TRIO: variants seen among roughly 807,000 people sequenced by gnomAD.
TRIO encodes triple functional domain protein.
TRIO carries 58 observed loss-of-function variants against 351.9 expected under a neutral mutation model. The observed-to-expected ratio is 0.16, with a 90% CI of 0.13 to 0.21. TRIO has a LOEUF of 0.21. Ranked by LOEUF, TRIO falls within the 10% of genes least tolerant of loss-of-function variation. The pLI is 1.00. For missense variants in TRIO, 3,201 were observed against 4,027.8 expected (o/e 0.79, Z 5.56); for synonymous variants, 1,758 against 1,595.7 (o/e 1.10, Z -2.42).
intron 1 of TRIO, among the ~76,000 whole-genome samples, chr5:14,235,491 T>G (rs1442776599): frequency 6.6e-6 from 1 of 152,242 alleles, no homozygotes; most frequent in Non-Finnish European, 1.5e-5. Flanking sequence ...AATATGTCTG[T>G]CATACAGGAT....
At chr5:14,300,697 A>G (rs951060960) in intron 7 of TRIO, among the ~76,000 whole-genome samples, 2 of 152,162 alleles carry the variant, frequency 1.3e-5, no homozygotes, top group Non-Finnish European at 2.9e-5. Context: ...GGACTGTAGT[A>G]TTATTGTCCT....
chr5:14,448,213 AAC>A (rs1442483248), intron 34 of TRIO, among the ~76,000 whole-genome samples: 1 of 152,218 alleles, frequency 6.6e-6, no homozygotes, highest in Non-Finnish European at 1.5e-5. Flanking sequence ...ACTTTTTGGG[AAC>A]ACAGAGGATC....
intron 1 of TRIO, among the ~76,000 whole-genome samples, chr5:14,238,313 A>G (rs985331917): frequency 6.6e-6 from 1 of 152,220 alleles, no homozygotes; most frequent in Non-Finnish European, 1.5e-5. Flanking sequence ...GCTGATTTGA[A>G]TGTGGTCATT....
At chr5:14,224,218 G>T (rs912313548) in intron 1 of TRIO, among the ~76,000 whole-genome samples, 1 of 151,942 alleles carries the variant, frequency 6.6e-6, no homozygotes, top group African/African-American at 2.4e-5. Context: ...TATGTGAAGC[G>T]AGGACCCTAC....
chr5:14,294,501 A>G (rs1737178053), intron 6 of TRIO, among the ~76,000 whole-genome samples: 1 of 152,210 alleles, frequency 6.6e-6, no homozygotes, highest in South Asian at 2.1e-4. Context: ...CTGCTATGCC[A>G]CATACTTTAA....
intron 1 of TRIO, among the ~76,000 whole-genome samples, chr5:14,208,067 GGTT>G (rs1365589551): frequency 3.9e-5 from 6 of 152,190 alleles, no homozygotes; most frequent in African/African-American, 1.4e-4. Context: ...GGGAATATAA[GGTT>G]GTACAGTCAG....
intron 1 of TRIO, among the ~76,000 whole-genome samples, chr5:14,202,086 G>A (rs1791150256): frequency 6.6e-6 from 1 of 151,374 alleles, no homozygotes; most frequent in African/African-American, 2.4e-5. Context: ...CCTGCACGTT[G>A]TGCACATGTA....
At chr5:14,197,400 G>T (rs1790846169) in intron 1 of TRIO, among the ~76,000 whole-genome samples, 1 of 152,182 alleles carries the variant, frequency 6.6e-6, no homozygotes, top group Non-Finnish European at 1.5e-5. Context: ...TCTTTACCCT[G>T]TCCAGGCTAT....
chr5:14,358,145 C>A (rs778334465), intron 11 of TRIO, 33 bp from the exon 12 acceptor site: 1 of 1,594,798 alleles, frequency 6.3e-7, no homozygotes, highest in South Asian at 1.1e-5. Flanking sequence ...GCAGCCAGGC[C>A]GGCCGGCCTC....
At chr5:14,219,585 C>G (rs1792459935) in intron 1 of TRIO, among the ~76,000 whole-genome samples, 1 of 152,178 alleles carries the variant, frequency 6.6e-6, no homozygotes. Flanking sequence ...TACCACCAAT[C>G]CCGTATTAAT....
At chr5:14,332,048 G>A (rs1390200407) in intron 10 of TRIO, among the ~76,000 whole-genome samples, 1 of 152,196 alleles carries the variant, frequency 6.6e-6, no homozygotes, top group Non-Finnish European at 1.5e-5. Context: ...GAAAACTCAG[G>A]TTCAAGGAAG....
chr5:14,294,186 A>T (rs1737150057), intron 6 of TRIO, among the ~76,000 whole-genome samples: 1 of 152,200 alleles, frequency 6.6e-6, no homozygotes, highest in Admixed American at 6.5e-5. Context: ...ACCTTGTCTC[A>T]AAAACAAAAA....
At chr5:14,484,208 T>G (rs1369278877) in intron 46 of TRIO, among the ~76,000 whole-genome samples, 1 of 152,242 alleles carries the variant, frequency 6.6e-6, no homozygotes, top group Non-Finnish European at 1.5e-5. Context: ...TATATATTTT[T>G]TACATATTTT....
intron 33 of TRIO, among the ~76,000 whole-genome samples, chr5:14,408,359 C>T (rs1235731406): frequency 6.6e-6 from 1 of 152,018 alleles, no homozygotes; most frequent in African/African-American, 2.4e-5. Flanking sequence ...TTTGGGTTCA[C>T]TAAATAATAG....
At chr5:14,211,971 AC>A in intron 1 of TRIO, among the ~76,000 whole-genome samples, 1 of 150,046 alleles carries the variant, frequency 6.7e-6, no homozygotes, top group South Asian at 2.1e-4. Context: ...AACCAAAAAA[AC>A]AAAAACAAAC....
At chr5:14,493,239 G>A (rs986121444) in intron 49 of TRIO, among the ~76,000 whole-genome samples, 4 of 152,142 alleles carry the variant, frequency 2.6e-5, no homozygotes, top group Non-Finnish European at 5.9e-5. Flanking sequence ...GTGCGGAGAT[G>A]TTGGCATAGA....
At chr5:14,361,297 A>C (rs1039327937) in intron 13 of TRIO, among the ~76,000 whole-genome samples, 7 of 152,218 alleles carry the variant, frequency 4.6e-5, no homozygotes, top group African/African-American at 1.7e-4. Flanking sequence ...CCAGATTAGG[A>C]AACAAAAACA....
chr5:14,384,299 A>G (rs1746361010), intron 21 of TRIO, among the ~76,000 whole-genome samples: 1 of 152,222 alleles, frequency 6.6e-6, no homozygotes, highest in African/African-American at 2.4e-5. Flanking sequence ...CAAATGCCTT[A>G]CTTTGTTAGA....
chr5:14,360,476 A>G (rs538341675), intron 13 of TRIO, among the ~76,000 whole-genome samples: 1 of 152,300 alleles, frequency 6.6e-6, no homozygotes, highest in African/African-American at 2.4e-5. Flanking sequence ...CCTCCTCCAC[A>G]TACCTCTGGG....
Sources: gnomAD v4.1 joint callset for allele counts (sites outside exome capture counted in the v4.1 genomes callset) on GRCh38, gnomAD v4.1.1 for gene constraint, MANE v1.5 for transcripts, NCBI Gene and HGNC (gene_info 2026-07-23, HGNC 2026-07-21) for gene names.